SLCO1A2: variants seen among roughly 807,000 people sequenced by gnomAD.
The protein encoded by SLCO1A2 is OATP-1.
In SLCO1A2, 67 loss-of-function variants were observed where a neutral mutation model predicts 69.0. That is an observed-to-expected ratio of 0.97 (90% CI 0.80 to 1.19). The LOEUF (loss-of-function observed/expected upper bound fraction) is 1.19, where lower values mean the gene tolerates loss of function less well. SLCO1A2 is among the 50% of genes most tolerant of loss of function. The probability of loss-of-function intolerance (pLI) is 0.00; values close to 1 mark genes in which losing one functional copy is unlikely to be tolerated. For missense variants in SLCO1A2, 787 were observed against 793.7 expected (o/e 0.99, Z 0.10); for synonymous variants, 260 against 265.9 (o/e 0.98, Z 0.22).
At chr12:21,302,805 C>T (rs1212076994) in intron 6 of SLCO1A2, among the ~76,000 whole-genome samples, 1 of 151,802 alleles carries the variant, frequency 6.6e-6, no homozygotes, top group African/African-American at 2.4e-5. Flanking sequence ...GATCTGCCTG[C>T]CTCAGCCTCC....
rs909294307 is a variant in SLCO1A2, at chr12:21,291,855, C to T, written c.1610+309G>A. ...ACCCACTCTTTACCTATCAAAATGG[C>T]CATTTTATACGGCCTACCCTAAGAT... On this transcript the variant is annotated intron_variant, in intron 12 of 14. Coordinates refer to ENST00000683939, the MANE Select transcript of SLCO1A2 (RefSeq NM_001386879.1). Among the ~76,000 whole-genome samples the T allele has an allele frequency of 2.6e-5, 4 of 152,132 alleles. 1 individual carries two copies. In the East Asian group the frequency reaches 7.7e-4, roughly 29 times the overall value.
At chr12:21,342,557 T>C (rs1290894910) in intron 2 of SLCO1A2, among the ~76,000 whole-genome samples, 1 of 152,010 alleles carries the variant, frequency 6.6e-6, no homozygotes, top group Non-Finnish European at 1.5e-5. Flanking sequence ...TATAAATTTA[T>C]TTCTTAACAG....
At chr12:21,311,506 A>G (rs999223260) in intron 4 of SLCO1A2, 2 of 151,854 alleles carry the variant, frequency 1.3e-5, no homozygotes, top group Admixed American at 6.6e-5. Context: ...GTGGCCACAC[A>G]ATGGATGTTG....
At position 21,311,102 on chromosome 12, in the gene SLCO1A2, A is replaced by G. The variant is rs1488010649; in HGVS notation, c.335+3447T>C. ...AGGAAGCCACATTATTTGCTTGTCC[A>G]TAAACAGAAAGTCTTCATTTATTCA... On this transcript the variant is annotated intron_variant, in intron 4 of 14. Transcript: ENST00000683939. Among the ~76,000 whole-genome samples, 5 of 152,212 alleles carry G rather than the reference A, an allele frequency of 3.3e-5. No homozygotes were observed. The East Asian group carries it at 9.6e-4, about 29-fold the overall frequency.
chr12:21,415,644 T>C (rs969201057), intron 1 of SLCO1A2, among the ~76,000 whole-genome samples: 7 of 152,120 alleles, frequency 4.6e-5, no homozygotes, highest in African/African-American at 9.6e-5. Flanking sequence ...GAACCTGAGA[T>C]TGATATTTTC....
intron 2 of SLCO1A2, among the ~76,000 whole-genome samples, chr12:21,363,644 T>C (rs139165076): frequency 0.065 from 9,870 of 152,086 alleles, 344 homozygotes; most frequent in Middle Eastern, 0.14. Context: ...ATTGATAGAC[T>C]GCTAGCAAGA....
At chr12:21,415,755 G>A (rs1941979155) in intron 1 of SLCO1A2, among the ~76,000 whole-genome samples, 1 of 151,882 alleles carries the variant, frequency 6.6e-6, no homozygotes, top group Non-Finnish European at 1.5e-5. Flanking sequence ...ATGTGTATGT[G>A]CTTTTCATAT....
At chr12:21,328,129 C>T (rs1227758640) in intron 2 of SLCO1A2, among the ~76,000 whole-genome samples, 1 of 152,170 alleles carries the variant, frequency 6.6e-6, no homozygotes, top group East Asian at 1.9e-4. Flanking sequence ...TATGCCTTTG[C>T]TCCTCCTTTA....
intron 14 of SLCO1A2, among the ~76,000 whole-genome samples, chr12:21,270,599 T>C (rs539796975): frequency 2.0e-5 from 3 of 151,806 alleles, no homozygotes; most frequent in African/African-American, 7.2e-5. Flanking sequence ...TTTCAGACTT[T>C]CCTGAAAAAT....
At chr12:21,357,073 A>G (rs1275153593) in intron 2 of SLCO1A2, among the ~76,000 whole-genome samples, 7 of 152,208 alleles carry the variant, frequency 4.6e-5, no homozygotes, top group Admixed American at 6.5e-5. Context: ...AAAGGATAAA[A>G]ACAAACAAAC....
rs1052739220 is a variant in SLCO1A2 at position 21,405,636 on chromosome 12, C to T, written c.-312+12246G>A. Among the ~76,000 whole-genome samples the T allele has an allele frequency of 3.3e-5, 5 of 152,190 alleles. 1 individual carries two copies. On this transcript the variant is annotated intron_variant, in intron 1 of 4. Transcript: ENST00000413682. ...AGAAACAAGACCGCACATCTACAAC[C>T]ATCTGACCTTTGACAAACCTGAAAT...
At chr12:21,373,378 T>A in intron 2 of SLCO1A2, 1 of 1,613,628 alleles carries the variant, frequency 6.2e-7, no homozygotes, top group Non-Finnish European at 8.5e-7. Flanking sequence ...TGCAAGTATT[T>A]CTCATTGTGC....
intron 1 of SLCO1A2, among the ~76,000 whole-genome samples, chr12:21,415,262 G>C (rs1469766587): frequency 6.6e-6 from 1 of 151,810 alleles, no homozygotes; most frequent in Non-Finnish European, 1.5e-5. Context: ...CTATCCTCTT[G>C]ATTCCTACCA....
intron 1 of SLCO1A2, among the ~76,000 whole-genome samples, chr12:21,387,890 C>A (rs2137144088): frequency 6.6e-6 from 1 of 152,322 alleles, no homozygotes; most frequent in African/African-American, 2.4e-5. Context: ...TCCTACAAAA[C>A]CACAGAGGTG....
At chr12:21,343,649 C>A (rs917578567) in intron 2 of SLCO1A2, among the ~76,000 whole-genome samples, 2 of 152,046 alleles carry the variant, frequency 1.3e-5, no homozygotes, top group African/African-American at 4.8e-5. Context: ...TTGAGTACCT[C>A]ATTTTGCTAC....
intron 14 of SLCO1A2, among the ~76,000 whole-genome samples, chr12:21,273,192 A>AATCT (rs1201748838): frequency 1.3e-5 from 2 of 152,128 alleles, no homozygotes; most frequent in Non-Finnish European, 2.9e-5. Flanking sequence ...AGGAAATCCC[A>AATCT]ATCTTTCTTT....
chr12:21,318,008 G>GA (rs199577219), intron 3 of SLCO1A2, among the ~76,000 whole-genome samples: 18,066 of 150,858 alleles, frequency 0.12, 1,154 homozygotes, highest in Non-Finnish European at 0.15. Flanking sequence ...TCTGTACTTA[G>GA]AAAAAAAAAT....
intron 2 of SLCO1A2, 36 bp downstream of exon 2, chr12:21,334,552 T>G: frequency 1.3e-6 from 2 of 1,491,406 alleles, no homozygotes; most frequent in Non-Finnish European, 1.9e-6. Context: ...AAAACTAGTG[T>G]ACATGCACAT....
chr12:21,314,410 T>A, intron 4 of SLCO1A2, 139 bp downstream of exon 4: 2 of 874,590 alleles, frequency 2.3e-6, no homozygotes, highest in Non-Finnish European at 3.5e-6. Context: ...AATAGACAGA[T>A]GGAACAGAAT....
Sources: allele counts gnomAD v4.1 joint callset (sites outside exome capture counted in the v4.1 genomes callset), GRCh38; gene constraint gnomAD v4.1.1; transcripts MANE v1.5; gene names NCBI Gene and HGNC (gene_info 2026-07-23, HGNC 2026-07-21).